Variants in NEMP2 observed in about 807,000 individuals in gnomAD.
NEMP2 encodes the protein UPF0571 transmembrane protein.
NEMP2 carries 53 observed loss-of-function variants against 54.2 expected under a neutral mutation model. The observed-to-expected ratio is 0.98, with a 90% CI of 0.78 to 1.23. NEMP2 has a LOEUF of 1.23. Among genes scored for constraint, NEMP2 ranks in the 50% most tolerant of loss-of-function variants. NEMP2 has a pLI of 0.00. For synonymous variants in NEMP2, 197 were observed against 190.3 expected, an observed-to-expected ratio of 1.04 and a Z score of -0.29; for missense variants, 455 against 511.3, an observed-to-expected ratio of 0.89 and a Z score of 1.06.
chr2:190,627,812 A>T, the NEMP2 span: 2 of 152,260 alleles, frequency 1.3e-5, no homozygotes, highest in East Asian at 3.8e-4. This position sits in a 1 kb window ranked among gnomAD's most constrained non-coding sequence, Gnocchi z 4.4. Context: ...AACTTTACAA[A>T]AATAAAATAA....
At chr2:190,587,569 TG>T in the NEMP2 span, among the ~76,000 whole-genome samples, 1 of 152,130 alleles carries the variant, frequency 6.6e-6, no homozygotes, top group African/African-American at 2.4e-5. This position sits in a 1 kb window ranked among gnomAD's most constrained non-coding sequence, Gnocchi z 5.4. Flanking sequence ...TTGGTAATGA[TG>T]GTGAGATGCT....
chr2:190,647,822 C>A, the NEMP2 span, among the ~76,000 whole-genome samples: 4 of 143,218 alleles, frequency 2.8e-5, no homozygotes, highest in South Asian at 9.1e-4. Context: ...TCAAGCTATT[C>A]TCCCGCCTCA....
chr2:190,516,193 A>T lies in NEMP2; in HGVS notation c.727+77T>A. ...GAAAATTTAGATGTTGGAGAGAAAC[A>T]TCTATCAAAAGAAGGCCTCTAGTTG... On this transcript the variant is annotated intron_variant, in intron 6 of 8. Transcript: ENST00000409150. 3.1e-6 allele frequency: 3 copies of T among 954,686 alleles called. No individual in the cohort carries two copies. The South Asian group carries it at 5.6e-5, about 18-fold the overall frequency. 59.1% of individuals were successfully genotyped at this position (954,686 alleles called of 1,614,324 possible).
chr2:190,627,795 T>A, the NEMP2 span: 2 of 152,276 alleles, frequency 1.3e-5, no homozygotes, highest in African/African-American at 4.8e-5. The surrounding 1 kb of genome is among the most constrained non-coding windows in gnomAD (Gnocchi z 4.4). Flanking sequence ...TAGGGGCATC[T>A]GTCTCTAACT....
chr2:190,469,788 G>T, the NEMP2 span: 7 of 1,605,532 alleles, frequency 4.4e-6, no homozygotes, highest in East Asian at 1.6e-4. This position sits in a 1 kb window ranked among gnomAD's most constrained non-coding sequence, Gnocchi z 5.3. Context: ...CCTGCAATAC[G>T]GCTCGCTATA....
the NEMP2 span, among the ~76,000 whole-genome samples, chr2:190,579,913 A>G: frequency 6.6e-6 from 1 of 152,204 alleles, no homozygotes; most frequent in Admixed American, 6.5e-5. Context: ...TTGACCACCC[A>G]GTTCAGACAT....
chr2:190,607,826 C>T, the NEMP2 span: 1 of 152,090 alleles, frequency 6.6e-6, no homozygotes, highest in Non-Finnish European at 1.5e-5. The surrounding 1 kb of genome is among the most constrained non-coding windows in gnomAD (Gnocchi z 5.2). Context: ...CTTTTGTTGA[C>T]TCATGCTTCT....
chr2:190,517,090 C>CAAA (rs56324449), intron 5 of NEMP2, among the ~76,000 whole-genome samples: 19 of 89,298 alleles, frequency 2.1e-4, no homozygotes, highest in East Asian at 3.2e-4. Context: ...GACTGTGTCT[C>CAAA]AAAAAAAAAA....
the NEMP2 span, among the ~76,000 whole-genome samples, chr2:190,585,710 T>C: frequency 1.2e-3 from 180 of 152,270 alleles, no homozygotes; most frequent in Non-Finnish European, 1.9e-3. This position sits in a 1 kb window ranked among gnomAD's most constrained non-coding sequence, Gnocchi z 5.3. Flanking sequence ...ATCATAGTCT[T>C]TCTGTTGATT....
downstream of NEMP2, among the ~76,000 whole-genome samples, chr2:190,504,049 A>G (rs977942563): frequency 6.6e-6 from 1 of 152,184 alleles, no homozygotes; most frequent in Non-Finnish European, 1.5e-5. The surrounding 1 kb of genome is among the most constrained non-coding windows in gnomAD (Gnocchi z 5.6). Flanking sequence ...CCCAGTTTTT[A>G]GATGGCAACC....
the NEMP2 span, among the ~76,000 whole-genome samples, chr2:190,424,226 TTTC>T: frequency 1.6e-4 from 21 of 131,026 alleles, no homozygotes; most frequent in Admixed American, 8.1e-4. This position sits in a 1 kb window ranked among gnomAD's most constrained non-coding sequence, Gnocchi z 5.9. Context: ...GGCTAAAGAT[TTTC>T]TTCTTCTTTT....
the NEMP2 span, among the ~76,000 whole-genome samples, chr2:190,545,410 G>T: frequency 6.6e-6 from 1 of 152,236 alleles, no homozygotes; most frequent in Non-Finnish European, 1.5e-5. Flanking sequence ...AGTGAGAGAA[G>T]ATGAGTTATA....
the NEMP2 span, chr2:190,437,598 T>C: frequency 2.5e-6 from 4 of 1,580,676 alleles, no homozygotes; most frequent in South Asian, 4.6e-5. This position sits in a 1 kb window ranked among gnomAD's most constrained non-coding sequence, Gnocchi z 5.9. Flanking sequence ...CCTCAGCAAT[T>C]GAACTTTATC....
At chr2:190,423,299 T>C in the NEMP2 span, among the ~76,000 whole-genome samples, 1 of 152,340 alleles carries the variant, frequency 6.6e-6, no homozygotes, top group African/African-American at 2.4e-5. This position sits in a 1 kb window ranked among gnomAD's most constrained non-coding sequence, Gnocchi z 4.3. Flanking sequence ...GTCCCCACTC[T>C]CTAGTGAATT....
chr2:190,602,353 A>G, the NEMP2 span, among the ~76,000 whole-genome samples: 12 of 152,320 alleles, frequency 7.9e-5, no homozygotes, highest in African/African-American at 2.9e-4. Flanking sequence ...TGCAGACTGG[A>G]GGAGAATTCC....
the NEMP2 span, among the ~76,000 whole-genome samples, chr2:190,444,158 T>C: frequency 6.6e-6 from 1 of 152,200 alleles, no homozygotes; most frequent in African/African-American, 2.4e-5. Context: ...GTAAAAAAAC[T>C]GTTGATTTGA....
At chr2:190,524,499 T>C (rs1690862252) in intron 2 of NEMP2, among the ~76,000 whole-genome samples, 1 of 152,216 alleles carries the variant, frequency 6.6e-6, no homozygotes, top group East Asian at 1.9e-4. Context: ...GCTGATACAA[T>C]GTTCCAGCTA....
At chr2:190,482,868 C>CTTTTTTTTTTT in the NEMP2 span, among the ~76,000 whole-genome samples, 10 of 48,282 alleles carry the variant, frequency 2.1e-4, 2 homozygotes, top group Non-Finnish European at 3.4e-4. Context: ...AGACTATCAT[C>CTTTTTTTTTTT]TTTTTTTTTT....
At chr2:190,553,178 C>T in the NEMP2 span, 1 of 151,856 alleles carries the variant, frequency 6.6e-6, no homozygotes, top group African/African-American at 2.4e-5. Context: ...TTTTCACATA[C>T]ACTACCTCAT....
Sources: gnomAD v4.1 joint callset for allele counts (sites outside exome capture counted in the v4.1 genomes callset) on GRCh38, gnomAD v4.1.1 for gene constraint, Gnocchi (gnomAD v3.1) non-coding constraint, MANE v1.5 for transcripts, NCBI Gene and HGNC (gene_info 2026-07-23, HGNC 2026-07-21) for gene names.